DAB1: variants seen among roughly 807,000 people sequenced by gnomAD.
The protein encoded by DAB1 is disabled homolog 1.
DAB1 carries 15 observed loss-of-function variants against 64.6 expected under a neutral mutation model. The ratio of observed to expected loss-of-function variants is 0.23; its 90% CI spans 0.16 to 0.36. The LOEUF (loss-of-function observed/expected upper bound fraction) is 0.36. Ranked by LOEUF, DAB1 falls within the 10% of genes least tolerant of loss-of-function variation. DAB1 has a pLI of 1.00. For synonymous variants in DAB1, 235 were observed against 251.9 expected, an observed-to-expected ratio of 0.93 and a Z score of 0.64; for missense variants, 596 against 706.7, an observed-to-expected ratio of 0.84 and a Z score of 1.78.
At chr1:57,619,042 CG>C (rs1645823627) in intron 7 of DAB1, among the ~76,000 whole-genome samples, 1 of 152,126 alleles carries the variant, frequency 6.6e-6, no homozygotes, top group Admixed American at 6.5e-5. Flanking sequence ...GAGTATGTTA[CG>C]TAGGTGTTTC....
intron 7 of DAB1, among the ~76,000 whole-genome samples, chr1:57,486,870 A>C (rs1644098555): frequency 1.3e-5 from 2 of 151,758 alleles, no homozygotes; most frequent in Admixed American, 1.3e-4. Context: ...CCAGACCCTT[A>C]TGTGAAGAAA....
intron 7 of DAB1, among the ~76,000 whole-genome samples, chr1:57,468,378 G>C (rs2101198658): frequency 6.6e-6 from 1 of 152,220 alleles, no homozygotes; most frequent in South Asian, 2.1e-4. Context: ...AAGGTTTGTT[G>C]GAGTCAGACT....
chr1:57,290,689 A>G (rs1177313359), intron 2 of DAB1, among the ~76,000 whole-genome samples: 3 of 152,168 alleles, frequency 2.0e-5, no homozygotes, highest in Non-Finnish European at 4.4e-5. Context: ...CGAAACACAC[A>G]AAATTACTAT....
intron 2 of DAB1, among the ~76,000 whole-genome samples, chr1:57,264,501 T>G (rs1411351416): frequency 6.6e-6 from 1 of 152,222 alleles, no homozygotes; most frequent in Non-Finnish European, 1.5e-5. Context: ...TTGGTACAAT[T>G]TCCGCATACA....
At chr1:57,915,144 A>G (rs1557553348) in intron 5 of DAB1, among the ~76,000 whole-genome samples, 1 of 124,500 alleles carries the variant, frequency 8.0e-6, no homozygotes, top group East Asian at 2.3e-4. Flanking sequence ...AAAAAAAAAA[A>G]AGAACTGGAA....
At position 58,167,822 on chromosome 1, in the gene DAB1, A is replaced by G. The variant is rs371490537; in HGVS notation, n.310-17234T>C. Among the ~76,000 whole-genome samples the G allele has an allele frequency of 9.9e-5, 15 of 152,276 alleles. No individual in the cohort carries two copies. The East Asian group carries it at 2.7e-3, about 27-fold the overall frequency. On this transcript the variant is annotated intron_variant and non_coding_transcript_variant, in intron 4 of 20. Coordinates refer to the DAB1 transcript ENST00000485760. ...GTCTGTGGCTTCACTCCTGAAGTCA[A>G]CAAGACCATGAACCCGCCAGAAGGA...
At chr1:58,485,637 T>G (rs747909617) in intron 3 of DAB1, among the ~76,000 whole-genome samples, 131 of 152,212 alleles carry the variant, frequency 8.6e-4, no homozygotes, top group Non-Finnish European at 1.7e-3. Context: ...TCATTTTATA[T>G]ATTTCAGGGC....
intron 2 of DAB1, among the ~76,000 whole-genome samples, chr1:57,255,644 G>A (rs1669706222): frequency 6.6e-6 from 1 of 152,148 alleles, no homozygotes; most frequent in Non-Finnish European, 1.5e-5. Flanking sequence ...GGGCAACAGA[G>A]AGAGACCCAG....
At chr1:57,825,722 A>T (rs1652320855), downstream of DAB1, among the ~76,000 whole-genome samples, 1 of 152,222 alleles carries the variant, frequency 6.6e-6, no homozygotes, top group South Asian at 2.1e-4. Flanking sequence ...CTCAAATAAG[A>T]TAAATTTTCT....
intron 6 of DAB1, among the ~76,000 whole-genome samples, chr1:57,730,407 T>C (rs765315250): frequency 5.9e-5 from 9 of 152,200 alleles, no homozygotes; most frequent in Non-Finnish European, 1.3e-4. Context: ...TCTCCTTAAA[T>C]TTCCTCCTAG....
At chr1:57,667,072 C>A (rs569977564) in intron 6 of DAB1, among the ~76,000 whole-genome samples, 1 of 152,130 alleles carries the variant, frequency 6.6e-6, no homozygotes, top group Non-Finnish European at 1.5e-5. Context: ...CTACAACATA[C>A]TAGGTACTCT....
chr1:58,166,739 T>C (rs553637641), intron 4 of DAB1, among the ~76,000 whole-genome samples: 1 of 148,606 alleles, frequency 6.7e-6, no homozygotes, highest in Admixed American at 6.8e-5. Context: ...TGTTGTTGTT[T>C]TTGTTTGTTC....
intron 5 of DAB1, among the ~76,000 whole-genome samples, chr1:58,007,755 G>T (rs187618405): frequency 6.6e-6 from 1 of 152,134 alleles, no homozygotes; most frequent in Non-Finnish European, 1.5e-5. Context: ...GGGTCTGGAC[G>T]CTGTTCACTC....
At chr1:57,744,949 C>T (rs116823231) in intron 6 of DAB1, among the ~76,000 whole-genome samples, 2 of 152,240 alleles carry the variant, frequency 1.3e-5, no homozygotes, top group East Asian at 3.9e-4. Flanking sequence ...TTTCACAGAA[C>T]CCTGTACATT....
At position 56,998,107 on chromosome 1, in the gene DAB1, G is replaced by T. The variant is rs1026580025; in HGVS notation, c.*37C>A. ...TGCTATTTCTTAGGTCTGTTGATCT[G>T]CGCGTACAGAGGCTCTGGCTCCTGT... On this transcript the variant is annotated 3_prime_UTR_variant, in exon 15 of 15. Coordinates refer to ENST00000371236, the MANE Select transcript of DAB1 (RefSeq NM_001365792.1). 6.6e-6 allele frequency: 1 copy of T among 152,618 alleles called. No homozygotes were observed. The highest frequency in any genetic ancestry group is 1.5e-5 in the Non-Finnish European group (1 of 68,038). 9.5% of individuals were successfully genotyped at this position (152,618 alleles called of 1,614,324 possible).
chr1:57,865,833 C>A (rs1172447429), intron 1 of DAB1, among the ~76,000 whole-genome samples: 3 of 152,210 alleles, frequency 2.0e-5, no homozygotes, highest in Non-Finnish European at 2.9e-5. Context: ...TCTTTATGAG[C>A]TGCTACAACA....
At chr1:57,965,133 T>G (rs1216319962) in intron 5 of DAB1, among the ~76,000 whole-genome samples, 1 of 152,148 alleles carries the variant, frequency 6.6e-6, no homozygotes, top group Non-Finnish European at 1.5e-5. Context: ...CTGGTAGGAA[T>G]ACAGAATCTA....
At chr1:58,262,397 C>T (rs1342464140) in intron 4 of DAB1, among the ~76,000 whole-genome samples, 1 of 152,120 alleles carries the variant, frequency 6.6e-6, no homozygotes, top group Non-Finnish European at 1.5e-5. Flanking sequence ...CCATCCTGGA[C>T]AACATGGTGA....
chr1:57,142,887 G>C (rs1305195866), intron 3 of DAB1, among the ~76,000 whole-genome samples: 1 of 152,212 alleles, frequency 6.6e-6, no homozygotes, highest in East Asian at 1.9e-4. Flanking sequence ...CCAGATCTTT[G>C]CATTTTCTTC....
Sources: allele counts gnomAD v4.1 joint callset (sites outside exome capture counted in the v4.1 genomes callset), GRCh38; gene constraint gnomAD v4.1.1; transcripts MANE v1.5; gene names NCBI Gene and HGNC (gene_info 2026-07-23, HGNC 2026-07-21).